Variants in SVOP observed in about 807,000 individuals in gnomAD.
The protein encoded by SVOP is SV2 related protein.
A neutral mutation model predicts 69.1 loss-of-function variants in SVOP; 17 were observed. That is an observed-to-expected ratio of 0.25 (90% CI 0.17 to 0.37). The LOEUF (loss-of-function observed/expected upper bound fraction) is 0.37. Among genes scored for constraint, SVOP ranks in the 10% least tolerant of loss-of-function variants. The pLI is 1.00. For synonymous variants in SVOP, 238 were observed against 238.6 expected (o/e 1.00, Z 0.02); for missense variants, 435 against 597.5 (o/e 0.73, Z 2.84).
intron 5 of SVOP, among the ~76,000 whole-genome samples, chr12:108,965,433 G>T (rs193066352): frequency 5.9e-5 from 9 of 152,262 alleles, no homozygotes; most frequent in Non-Finnish European, 1.2e-4. Context: ...AAGGATGGGG[G>T]CCTGGTGGAA....
At chr12:108,920,070 ACAGCC>A (rs954883503) in intron 12 of SVOP, among the ~76,000 whole-genome samples, 3 of 152,236 alleles carry the variant, frequency 2.0e-5, no homozygotes, top group African/African-American at 4.8e-5. Flanking sequence ...CCTCTGGCCA[ACAGCC>A]AGCAAGGAAC....
chr12:108,965,171 C>T (rs1430061204), intron 5 of SVOP, among the ~76,000 whole-genome samples: 1 of 152,198 alleles, frequency 6.6e-6, no homozygotes, highest in Non-Finnish European at 1.5e-5. Flanking sequence ...TTTCATTAAC[C>T]ACTGTCACAA....
intron 5 of SVOP, among the ~76,000 whole-genome samples, chr12:108,962,274 T>C (rs2040022230): frequency 6.6e-6 from 1 of 152,170 alleles, no homozygotes; most frequent in Non-Finnish European, 1.5e-5. Context: ...AATTTTTGTA[T>C]ATTTTATAGA....
chr12:109,011,805 A>G (rs1477711774), intron 1 of SVOP, among the ~76,000 whole-genome samples: 2 of 152,214 alleles, frequency 1.3e-5, no homozygotes, highest in Admixed American at 6.5e-5. Context: ...TTGCAACAAC[A>G]TGAACGAACC....
chr12:108,941,795 G>T (rs777624004), intron 7 of SVOP, among the ~76,000 whole-genome samples: 20 of 151,590 alleles, frequency 1.3e-4, no homozygotes, highest in African/African-American at 1.9e-4. Context: ...CCGAGTAGCT[G>T]GGATTACAGG....
chr12:108,953,746 G>T (rs1022040063), intron 6 of SVOP, among the ~76,000 whole-genome samples: 1 of 152,120 alleles, frequency 6.6e-6, no homozygotes, highest in Non-Finnish European at 1.5e-5. Flanking sequence ...GGAAGCCAGT[G>T]GCTCTCTTGG....
At chr12:108,987,045 C>A (rs1375687639) in intron 1 of SVOP, among the ~76,000 whole-genome samples, 1 of 152,134 alleles carries the variant, frequency 6.6e-6, no homozygotes, top group East Asian at 1.9e-4. Flanking sequence ...TATAAGTGTA[C>A]AATTCAGTGA....
chr12:108,976,521 C>CCTTT, intron 4 of SVOP, among the ~76,000 whole-genome samples: 1 of 151,970 alleles, frequency 6.6e-6, no homozygotes, highest in Admixed American at 6.6e-5. Flanking sequence ...TAGGTAAAGG[C>CCTTT]CTTTGCACAG....
At chr12:108,928,863 C>T (rs949215624) in intron 11 of SVOP, among the ~76,000 whole-genome samples, 1 of 152,130 alleles carries the variant, frequency 6.6e-6, no homozygotes, top group African/African-American at 2.4e-5. Context: ...CCACCATGCC[C>T]GGCCATTTTA....
At chr12:109,003,607 G>A (rs903739290) in intron 1 of SVOP, among the ~76,000 whole-genome samples, 3 of 152,130 alleles carry the variant, frequency 2.0e-5, no homozygotes, top group African/African-American at 7.2e-5. Context: ...GCTCCCTGCA[G>A]TTTTATTTAT....
At chr12:108,982,390 C>A (rs2040141514) in intron 2 of SVOP, among the ~76,000 whole-genome samples, 1 of 151,142 alleles carries the variant, frequency 6.6e-6, no homozygotes, top group African/African-American at 2.4e-5. Context: ...TTATCACCAT[C>A]TTCATCACTA....
intron 11 of SVOP, among the ~76,000 whole-genome samples, chr12:108,929,511 G>A (rs2039802725): frequency 6.6e-6 from 1 of 151,914 alleles, no homozygotes; most frequent in South Asian, 2.1e-4. Context: ...GTCTCACTAT[G>A]TTGCCCAGGC....
chr12:109,010,309 T>C (rs2040334985), intron 1 of SVOP, among the ~76,000 whole-genome samples: 1 of 151,998 alleles, frequency 6.6e-6, no homozygotes, highest in Admixed American at 6.6e-5. Flanking sequence ...GGAAGTTAAA[T>C]AAATTGCCCA....
intron 1 of SVOP, among the ~76,000 whole-genome samples, chr12:109,016,032 C>T (rs962627418): frequency 6.6e-6 from 1 of 152,186 alleles, no homozygotes; most frequent in African/African-American, 2.4e-5. Context: ...CTCCTACTAC[C>T]TAATAAGTTG....
At chr12:108,928,917 T>A (rs1225919476) in intron 11 of SVOP, among the ~76,000 whole-genome samples, 1 of 152,104 alleles carries the variant, frequency 6.6e-6, no homozygotes, top group Non-Finnish European at 1.5e-5. Context: ...AGGTGAGAGG[T>A]GCCCTGCCTA....
chr12:109,005,588 AT>A (rs1448564300), intron 1 of SVOP, among the ~76,000 whole-genome samples: 1 of 152,180 alleles, frequency 6.6e-6, no homozygotes, highest in Non-Finnish European at 1.5e-5. Context: ...TGCAAAGGAA[AT>A]ATATCTTGAG....
intron 6 of SVOP, among the ~76,000 whole-genome samples, chr12:108,946,521 A>G (rs2039923915): frequency 6.6e-6 from 1 of 151,658 alleles, no homozygotes; most frequent in Admixed American, 6.6e-5. Context: ...ATCAGTATAG[A>G]CTTGTGGAGT....
In SVOP at chr12:108,918,399, G is replaced by A. The variant is rs77720248; in HGVS notation, c.1269-275C>T. The stretch of plus-strand genomic sequence containing the variant: ...AGATTAGGGAGAAGTGATATAAATA[G>A]TGGAAAGCTCAGACAGGAATTTGGC... On this transcript the variant is annotated intron_variant, in intron 13 of 15. Coordinates refer to ENST00000610966, the MANE Select transcript of SVOP (RefSeq NM_018711.5). 5.8e-3 allele frequency among the ~76,000 whole-genome samples: 888 copies of A among 152,342 alleles called. 8 individuals carry two copies. The highest frequency in any genetic ancestry group is 0.02 in the African/African-American group (834 of 41,578).
intron 2 of SVOP, 149 bp from the exon 3 acceptor site, chr12:108,978,812 G>A: frequency 3.5e-6 from 2 of 563,836 alleles, no homozygotes; most frequent in Admixed American, 6.6e-5. Flanking sequence ...ATTCCAGTGT[G>A]AAGTGATATC....
Sources: gnomAD v4.1 joint callset for allele counts (sites outside exome capture counted in the v4.1 genomes callset) on GRCh38, gnomAD v4.1.1 for gene constraint, MANE v1.5 for transcripts, NCBI Gene and HGNC (gene_info 2026-07-23, HGNC 2026-07-21) for gene names.